HS6ST2: variants seen among roughly 807,000 people sequenced by gnomAD.
HS6ST2 encodes heparan-sulfate 6-O-sulfotransferase 2.
A neutral mutation model predicts 33.0 loss-of-function variants in HS6ST2; 17 were observed. That is an observed-to-expected ratio of 0.52 (90% CI 0.35 to 0.77). The LOEUF (loss-of-function observed/expected upper bound fraction) is 0.77, where lower values mean the gene tolerates loss of function less well. HS6ST2 is among the 30% of genes least tolerant of loss of function. The pLI, the probability that HS6ST2 is intolerant of heterozygous loss-of-function variation, is 0.01. For synonymous variants in HS6ST2, 248 were observed against 237.1 expected (o/e 1.05, Z -0.42); for missense variants, 519 against 551.7 (o/e 0.94, Z 0.59).
At chrX:132,853,787 G>A (rs973444795) in intron 2 of HS6ST2, among the ~76,000 whole-genome samples, 1 of 111,192 alleles carries the variant, frequency 9.0e-6, no homozygotes, top group African/African-American at 3.3e-5. Flanking sequence ...TATAATCCCA[G>A]CACTGTGGGA....
chrX:132,797,416 A>G (rs1259145270), intron 2 of HS6ST2, among the ~76,000 whole-genome samples: 2 of 112,175 alleles, frequency 1.8e-5, no homozygotes, highest in African/African-American at 6.5e-5. Flanking sequence ...CTTGCCAAGA[A>G]CACCATCACT....
chrX:132,796,315 C>G (rs1289792629), intron 2 of HS6ST2, among the ~76,000 whole-genome samples: 1 of 111,755 alleles, frequency 8.9e-6, no homozygotes, highest in African/African-American at 3.3e-5. Flanking sequence ...TCCATCCAAC[C>G]TACCGAATTC....
chrX:132,921,955 T>C (rs954240071), intron 2 of HS6ST2, among the ~76,000 whole-genome samples: 12 of 112,268 alleles, frequency 1.1e-4, no homozygotes, highest in Non-Finnish European at 9.4e-5. Flanking sequence ...TAGGATAATA[T>C]TTTATGGAGT....
chrX:132,869,424 G>A (rs905699952), intron 2 of HS6ST2, among the ~76,000 whole-genome samples: 1 of 111,934 alleles, frequency 8.9e-6, no homozygotes, highest in African/African-American at 3.2e-5. Flanking sequence ...TATGAGGCCA[G>A]CATCAACCTG....
intron 2 of HS6ST2, among the ~76,000 whole-genome samples, chrX:132,881,147 T>C (rs2066167737): frequency 9.0e-6 from 1 of 111,298 alleles, no homozygotes; most frequent in African/African-American, 3.3e-5. Flanking sequence ...TACCCAGTAA[T>C]GGGATGGCTG....
At chrX:132,705,276 T>C (rs2064181352) in intron 3 of HS6ST2, among the ~76,000 whole-genome samples, 1 of 109,699 alleles carries the variant, frequency 9.1e-6, no homozygotes, top group African/African-American at 3.3e-5. Context: ...GACATCAAGA[T>C]AGATTATGAA....
At chrX:132,696,780 C>G (rs1015937411) in intron 3 of HS6ST2, among the ~76,000 whole-genome samples, 2 of 111,900 alleles carry the variant, frequency 1.8e-5, no homozygotes, top group African/African-American at 3.2e-5. Flanking sequence ...AAAGGTCACA[C>G]TAAGCGCCTT....
chrX:132,776,610 A>G (rs1392269534), intron 2 of HS6ST2, among the ~76,000 whole-genome samples: 3 of 110,246 alleles, frequency 2.7e-5, no homozygotes, highest in Admixed American at 9.7e-5. Context: ...ACCATCCTAC[A>G]CACTACTGGC....
intron 4 of HS6ST2, among the ~76,000 whole-genome samples, chrX:132,663,903 C>A (rs1263451044): frequency 8.9e-6 from 1 of 112,700 alleles, no homozygotes; most frequent in Non-Finnish European, 1.9e-5. Context: ...ATATAATATG[C>A]AGGACTCTGG....
chrX:132,849,313 C>G (rs2148406205), intron 2 of HS6ST2, among the ~76,000 whole-genome samples: 1 of 111,247 alleles, frequency 9.0e-6, no homozygotes, highest in African/African-American at 3.3e-5. Flanking sequence ...TACACATACT[C>G]TACTGCTGGC....
At chrX:132,806,964 G>T (rs1011796195) in intron 2 of HS6ST2, among the ~76,000 whole-genome samples, 6 of 110,018 alleles carry the variant, frequency 5.5e-5, no homozygotes, top group African/African-American at 2.0e-4. Context: ...TATGTGATTG[G>T]GACTATTGTG....
intron 2 of HS6ST2, among the ~76,000 whole-genome samples, chrX:132,777,932 G>A (rs1253440778): frequency 1.8e-5 from 2 of 111,988 alleles, no homozygotes; most frequent in Non-Finnish European, 3.8e-5. Context: ...GTTCCACGTA[G>A]TTGTGTCTGA....
chrX:132,628,210 C>A lies in HS6ST2; in HGVS notation c.*13G>T. On this transcript the variant is annotated 3_prime_UTR_variant, in exon 5 of 5. Coordinates refer to ENST00000370833, the MANE Select transcript of HS6ST2 (RefSeq NM_001394073.1). ...CGCTTTGGGAGAAGTATGTACAGGCCTTTTTGAGCCATTTAACGCCATTTC... is the reference window on the plus strand; with the variant it reads ...CGCTTTGGGAGAAGTATGTACAGGCATTTTTGAGCCATTTAACGCCATTTC... The A allele has an allele frequency of 8.9e-7, 1 of 1,119,698 alleles. No individual in the cohort carries two copies. Among genetic ancestry groups the A allele is most frequent in the Non-Finnish European group, 1.2e-6 (1 of 834,597 alleles). The allele number at this position is 1,119,698 out of a possible 1,213,427, so 92.3% of individuals were successfully genotyped here. A position where few individuals can be genotyped will look rare whatever the true frequency, so the allele number is the denominator to read the frequency against.
chrX:132,934,425 C>G (rs1468741404), intron 2 of HS6ST2, among the ~76,000 whole-genome samples: 1 of 111,848 alleles, frequency 8.9e-6, no homozygotes, highest in African/African-American at 3.2e-5. Context: ...TAACAATGTG[C>G]TGCTGAGTTT....
intron 2 of HS6ST2, among the ~76,000 whole-genome samples, chrX:132,851,834 G>A (rs2065804831): frequency 9.0e-6 from 1 of 111,585 alleles, no homozygotes; most frequent in Non-Finnish European, 1.9e-5. Flanking sequence ...CTCCTTAGGG[G>A]ATGATCTTTT....
At chrX:132,725,435 A>T (rs188608152) in intron 2 of HS6ST2, among the ~76,000 whole-genome samples, 1 of 112,043 alleles carries the variant, frequency 8.9e-6, no homozygotes, top group East Asian at 2.8e-4. Flanking sequence ...ATCACTGATT[A>T]TCAGAGAAAT....
intron 4 of HS6ST2, among the ~76,000 whole-genome samples, chrX:132,646,257 C>T (rs1050878311): frequency 2.7e-5 from 3 of 111,487 alleles, no homozygotes; most frequent in Non-Finnish European, 5.6e-5. Flanking sequence ...AAGTTTATTC[C>T]TTTGGTTTAA....
At chrX:132,872,338 CA>C (rs1301123578) in intron 2 of HS6ST2, among the ~76,000 whole-genome samples, 1 of 111,930 alleles carries the variant, frequency 8.9e-6, no homozygotes, top group Non-Finnish European at 1.9e-5. Context: ...GAAAATATTG[CA>C]AAGAACAGCC....
intron 2 of HS6ST2, among the ~76,000 whole-genome samples, chrX:132,883,361 G>T (rs776901172): frequency 1.8e-5 from 2 of 111,449 alleles, no homozygotes. Context: ...TCTTGGGAGG[G>T]TGTATGTGTC....
Sources: allele counts gnomAD v4.1 joint callset (sites outside exome capture counted in the v4.1 genomes callset), GRCh38; gene constraint gnomAD v4.1.1; transcripts MANE v1.5; gene names NCBI Gene and HGNC (gene_info 2026-07-23, HGNC 2026-07-21).